Variants in RABGEF1 observed in about 807,000 individuals in gnomAD.
RABGEF1 encodes the protein rab5 GDP/GTP exchange factor.
Under a neutral mutation model 57.3 loss-of-function variants are expected in RABGEF1, and 26 were observed. The observed-to-expected ratio is 0.45, with a 90% CI of 0.33 to 0.63. The LOEUF is 0.63. Among genes scored for constraint, RABGEF1 ranks in the 20% least tolerant of loss-of-function variants. The pLI, the probability that RABGEF1 is intolerant of heterozygous loss-of-function variation, is 0.02. For missense variants in RABGEF1, 464 were observed against 607.6 expected (o/e 0.76, Z 2.48); for synonymous variants, 185 against 210.7 (o/e 0.88, Z 1.06).
At chr7:66,722,237 C>T (rs1196937028) in intron 2 of RABGEF1, among the ~76,000 whole-genome samples, 3 of 151,958 alleles carry the variant, frequency 2.0e-5, no homozygotes, top group African/African-American at 2.4e-5. Flanking sequence ...GTCAAGAGTT[C>T]GAGACCAGCC....
intron 4 of RABGEF1, 77 bp from the exon 5 acceptor site, chr7:66,795,434 G>T: frequency 7.8e-7 from 1 of 1,276,196 alleles, no homozygotes; most frequent in South Asian, 1.2e-5. Flanking sequence ...AATGGCTTTT[G>T]GAAAGTTCTT....
At chr7:66,682,859 G>A (rs2117020658) in intron 1 of RABGEF1, among the ~76,000 whole-genome samples, 1 of 152,296 alleles carries the variant, frequency 6.6e-6, no homozygotes, top group South Asian at 2.1e-4. Flanking sequence ...CCCTATTTCC[G>A]AACCGTCTGG....
intron 1 of RABGEF1, among the ~76,000 whole-genome samples, chr7:66,767,863 A>G (rs1806138739): frequency 6.6e-6 from 1 of 152,200 alleles, no homozygotes; most frequent in Admixed American, 6.5e-5. Flanking sequence ...GTATTTTGTT[A>G]CTGCAGCCAG....
At position 66,808,884 on chromosome 7, in the gene RABGEF1, AGTGCT is replaced by A; in HGVS notation, c.1085_1089del (p.Ala362GlyfsTer4). 1 of 1,568,024 alleles carries A rather than the reference AGTGCT, an allele frequency of 6.4e-7. No individual in the cohort carries two copies. The highest frequency in any genetic ancestry group is 8.7e-7 in the Non-Finnish European group (1 of 1,147,040). On this transcript the variant is annotated splice_acceptor_variant and coding_sequence_variant, in exon 9 of 9. Transcript: ENST00000284957. LOFTEE classifies it high-confidence loss of function. ...GACTGTATTAACGTCCTCTTCTTGTAGTGCTGTGCTGTGGCTTTCATTGAGAAGCT... is the reference window on the plus strand; with the variant it reads ...GACTGTATTAACGTCCTCTTCTTGTAGTGCTGTGGCTTTCATTGAGAAGCT...
chr7:66,708,276 T>G (rs539817263), intron 1 of RABGEF1, among the ~76,000 whole-genome samples: 3 of 145,602 alleles, frequency 2.1e-5, no homozygotes, highest in South Asian at 2.2e-4. Context: ...GTAGTTTGGG[T>G]TTTTTTTTTT....
Position 66,783,779 on chromosome 7 carries a change from A to C in RABGEF1, c.451A>C (p.Lys151Gln). 1 of 1,613,736 alleles carries C rather than the reference A, an allele frequency of 6.2e-7. No homozygotes were observed. The highest frequency in any genetic ancestry group is 8.5e-7 in the Non-Finnish European group (1 of 1,179,700). The change falls in exon 4 of 9, where the codon AAG (lysine) becomes CAG (glutamine). Residue 151 changes from lysine to glutamine, a missense_variant. Physicochemically the swap from Lys to Gln is moderately conservative, Grantham distance 53 (BLOSUM62 1). Around this residue, in one of 4 missense-constraint regions of RABGEF1, gnomAD observed 284 missense variants for 389.9 expected, o/e 0.73. Transcript: ENST00000284957. ...CATAGAATTTCTCAAGACCTTCCAC[A>C]AGACAGGCCAAGAAATCTATAAACA... is the stretch of plus-strand genomic sequence containing the variant. ...EFIEFLKTFH[K>Q]TGQEIYKQTK...
intron 1 of RABGEF1, among the ~76,000 whole-genome samples, chr7:66,697,698 C>T (rs1315826291): frequency 6.6e-6 from 1 of 152,112 alleles, no homozygotes; most frequent in Non-Finnish European, 1.5e-5. Flanking sequence ...GAGGCGCAGA[C>T]TGTGTTCTCC....
At chr7:66,693,917 C>T (rs944671029) in intron 1 of RABGEF1, among the ~76,000 whole-genome samples, 1 of 151,916 alleles carries the variant, frequency 6.6e-6, no homozygotes, top group African/African-American at 2.4e-5. Context: ...AAGCGATTCT[C>T]CTGCCTCATC....
chr7:66,722,441 AAAAC>A (rs1270346778), intron 2 of RABGEF1, among the ~76,000 whole-genome samples: 1 of 152,246 alleles, frequency 6.6e-6, no homozygotes. Context: ...CTCCGTGTCA[AAAAC>A]AAAAAGACAA....
chr7:66,760,089 C>T (rs966722819), intron 1 of RABGEF1, among the ~76,000 whole-genome samples: 1 of 152,206 alleles, frequency 6.6e-6, no homozygotes, highest in East Asian at 1.9e-4. Context: ...GCCAGTCTAA[C>T]CCAGCTGACC....
intron 1 of RABGEF1, among the ~76,000 whole-genome samples, chr7:66,688,780 T>A (rs868239946): frequency 1.8e-4 from 28 of 152,296 alleles, no homozygotes; most frequent in African/African-American, 6.5e-4. Context: ...GGGAAATGTA[T>A]AGCTGTAAGC....
At chr7:66,673,664 T>G in the RABGEF1 span, among the ~76,000 whole-genome samples, 2 of 151,464 alleles carry the variant, frequency 1.3e-5, no homozygotes, top group Admixed American at 1.3e-4. Context: ...AGCAGCATTA[T>G]CTTGGGGTTT....
chr7:66,712,037 C>T (rs537481288), intron 1 of RABGEF1: 14 of 152,298 alleles, frequency 9.2e-5, no homozygotes, highest in African/African-American at 3.4e-4. Context: ...AGTCCTCCAA[C>T]TTTATTCTTA....
intron 4 of RABGEF1, among the ~76,000 whole-genome samples, chr7:66,785,750 T>TGTA (rs1811016380): frequency 6.6e-6 from 1 of 152,112 alleles, no homozygotes; most frequent in Non-Finnish European, 1.5e-5. Flanking sequence ...GGCAGGCGCC[T>TGTA]GTAGTCCCAG....
chr7:66,671,044 T>TAG, the RABGEF1 span, among the ~76,000 whole-genome samples: 10 of 151,614 alleles, frequency 6.6e-5, no homozygotes, highest in African/African-American at 2.2e-4. Context: ...GAGAGAGAGA[T>TAG]AGAGAGATGG....
At chr7:66,803,691 C>T (rs1234145217) in intron 7 of RABGEF1, among the ~76,000 whole-genome samples, 2 of 151,998 alleles carry the variant, frequency 1.3e-5, no homozygotes, top group Admixed American at 1.3e-4. Flanking sequence ...GAGTTCGAGA[C>T]CAGCCTGGCC....
At chr7:66,760,989 G>A (rs1352156283) in intron 1 of RABGEF1, among the ~76,000 whole-genome samples, 2 of 152,110 alleles carry the variant, frequency 1.3e-5, no homozygotes, top group East Asian at 3.9e-4. Flanking sequence ...TTATAGCCCT[G>A]TTATTCTATG....
chr7:66,687,710 C>T (rs1293014175), intron 1 of RABGEF1, among the ~76,000 whole-genome samples: 1 of 152,000 alleles, frequency 6.6e-6, no homozygotes, highest in Non-Finnish European at 1.5e-5. Context: ...TATATACTGT[C>T]TATAAATACA....
At chr7:66,706,225 T>C (rs1438969807) in intron 1 of RABGEF1, among the ~76,000 whole-genome samples, 1 of 152,024 alleles carries the variant, frequency 6.6e-6, no homozygotes, top group Non-Finnish European at 1.5e-5. Flanking sequence ...ATTCTTTTGA[T>C]GGACGCTTGG....
Sources: allele counts gnomAD v4.1 joint callset (sites outside exome capture counted in the v4.1 genomes callset), GRCh38; gene constraint gnomAD v4.1.1; regional missense constraint gnomAD v4.1.1; transcripts MANE v1.5; gene names NCBI Gene and HGNC (gene_info 2026-07-23, HGNC 2026-07-21).